NAV1: variants seen among roughly 807,000 people sequenced by gnomAD.
The protein encoded by NAV1 is pore membrane and/or filament interacting like protein 3.
In NAV1, 18 loss-of-function variants were observed where a neutral mutation model predicts 175.2. The ratio of observed to expected loss-of-function variants is 0.10; its 90% CI spans 0.07 to 0.15. The LOEUF (loss-of-function observed/expected upper bound fraction) is 0.15. Ranked by LOEUF, NAV1 falls within the 10% of genes least tolerant of loss-of-function variation. The pLI, the probability that NAV1 is intolerant of heterozygous loss-of-function variation, is 1.00. For synonymous variants in NAV1, 897 were observed against 978.7 expected (o/e 0.92, Z 1.56); for missense variants, 1,731 against 2,436.6 (o/e 0.71, Z 6.10).
intron 3 of NAV1, among the ~76,000 whole-genome samples, chr1:201,738,456 G>T (rs759163859): frequency 6.6e-6 from 1 of 152,112 alleles, no homozygotes; most frequent in Non-Finnish European, 1.5e-5. Flanking sequence ...CAGGTCAGTG[G>T]CATTGGGCAG....
intron 2 of NAV1, among the ~76,000 whole-genome samples, chr1:201,639,764 G>A (rs982778310): frequency 1.3e-5 from 2 of 152,286 alleles, no homozygotes; most frequent in African/African-American, 2.4e-5. Flanking sequence ...TCTGAAGGGA[G>A]AGCCTGTGCC....
intron 29 of NAV1, among the ~76,000 whole-genome samples, chr1:201,818,757 T>G (rs1351860261): frequency 6.6e-6 from 1 of 152,234 alleles, no homozygotes; most frequent in East Asian, 1.9e-4. Context: ...TTTGGCAGAT[T>G]ATATTAAAAC....
At chr1:201,688,618 A>C (rs1670776530) in intron 1 of NAV1, among the ~76,000 whole-genome samples, 1 of 152,200 alleles carries the variant, frequency 6.6e-6, no homozygotes, top group South Asian at 2.1e-4. Flanking sequence ...AGAGGCTCAG[A>C]TATCACACAG....
intron 1 of NAV1, among the ~76,000 whole-genome samples, chr1:201,570,883 C>T (rs1666521726): frequency 6.6e-6 from 1 of 152,374 alleles, no homozygotes; most frequent in South Asian, 2.1e-4. Flanking sequence ...CTACCATTAG[C>T]CCTGCAGCTG....
Position 201,714,240 on chromosome 1 carries a change from A to G in NAV1, c.860+1321A>G, listed in dbSNP as rs912327497. Among the ~76,000 whole-genome samples, 5 of 152,290 alleles carry G rather than the reference A, an allele frequency of 3.3e-5. No individual in the cohort carries two copies. In the South Asian group the frequency reaches 6.2e-4, roughly 19 times the overall value. ...CACTACCTTTCAGTCACCCCGGTGC[A>G]TTGTGGGATTGCAGCAACTCTGATG... On this transcript the variant is annotated intron_variant, in intron 2 of 29. Transcript: ENST00000367296.
chr1:201,812,666 T>C lies in NAV1; in HGVS notation c.5221+5T>C. The C allele has an allele frequency of 6.2e-7, 1 of 1,611,784 alleles. No individual in the cohort carries two copies. The highest frequency in any genetic ancestry group is 8.5e-7 in the Non-Finnish European group (1 of 1,178,924). ...GCACCTCAGACTTCCTCATCGGTAC[T>C]GGGGTCCAGCTTCCCCCGGGGGTCA... On this transcript the variant is annotated splice_donor_5th_base_variant and intron_variant, in intron 27 of 29. Transcript: ENST00000367296. This position sits in a 1 kb window ranked among gnomAD's most constrained non-coding sequence, Gnocchi z 4.6.
intron 17 of NAV1, 97 bp downstream of exon 21, chr1:201,804,594 AAAAAAAAAT>A: frequency 6.1e-6 from 7 of 1,154,820 alleles, no homozygotes; most frequent in Non-Finnish European, 6.1e-6. Context: ...AAAAAAAAAA[AAAAAAAAAT>A]GAATGACCAC....
intron 15 of NAV1, chr1:201,796,900 C>T (rs1267064624): frequency 1.3e-5 from 2 of 152,196 alleles, no homozygotes; most frequent in Non-Finnish European, 2.9e-5. Flanking sequence ...CCTTATCAGA[C>T]ACATGATTTG....
intron 2 of NAV1, among the ~76,000 whole-genome samples, chr1:201,595,959 T>A (rs1667336813): frequency 6.6e-6 from 1 of 152,236 alleles, no homozygotes; most frequent in Non-Finnish European, 1.5e-5. Context: ...GCATCACTCA[T>A]ACCAGAGATG....
chr1:201,700,315 C>A (rs900037206), intron 1 of NAV1, among the ~76,000 whole-genome samples: 5 of 152,112 alleles, frequency 3.3e-5, no homozygotes, highest in Admixed American at 1.3e-4. Flanking sequence ...CATTTATGCA[C>A]CCAACAGACA....
exon 1 of NAV1, chr1:201,648,818 C>T (rs769261726): frequency 3.2e-6 from 5 of 1,548,390 alleles, no homozygotes; most frequent in Non-Finnish European, 4.4e-6. Context: ...CCAAGGCGCC[C>T]GGCGGCGGCG....
chr1:201,743,835 C>G (rs1673588185), intron 3 of NAV1, among the ~76,000 whole-genome samples: 1 of 152,152 alleles, frequency 6.6e-6, no homozygotes, highest in South Asian at 2.1e-4. Context: ...TTTATACATT[C>G]CTGGTTCGGA....
intron 14 of NAV1, 34 bp downstream of exon 18, chr1:201,793,909 T>TGGTTTGGGGGGGGGGGGGGGGCCC: frequency 1.9e-6 from 1 of 516,476 alleles, no homozygotes; most frequent in Non-Finnish European, 3.9e-6. Context: ...GAGGGGTGGG[T>TGGTTTGGGGGGGGGGGGGGGGCCC]GCGGCGAGGG....
intron 1 of NAV1, among the ~76,000 whole-genome samples, chr1:201,658,194 G>A (rs192979987): frequency 2.1e-4 from 32 of 152,172 alleles, no homozygotes; most frequent in Admixed American, 4.6e-4. Flanking sequence ...AGTTAGTGTC[G>A]GCAGAGCACT....
chr1:201,696,833 C>T (rs934559703), intron 1 of NAV1, among the ~76,000 whole-genome samples: 1 of 152,180 alleles, frequency 6.6e-6, no homozygotes, highest in East Asian at 1.9e-4. Context: ...TCTATAAAAT[C>T]GGAGTACTCA....
chr1:201,765,115 G>T (rs1675116770), intron 3 of NAV1, among the ~76,000 whole-genome samples: 1 of 152,170 alleles, frequency 6.6e-6, no homozygotes, highest in Non-Finnish European at 1.5e-5. Flanking sequence ...ATTATATTAA[G>T]AATCATCAGA....
At chr1:201,634,553 G>T (rs988097369) in intron 2 of NAV1, among the ~76,000 whole-genome samples, 3 of 152,188 alleles carry the variant, frequency 2.0e-5, no homozygotes, top group Non-Finnish European at 4.4e-5. Flanking sequence ...GAAGAGGCCA[G>T]ATAAGTAAGG....
intron 3 of NAV1, among the ~76,000 whole-genome samples, chr1:201,779,502 G>C (rs1676169482): frequency 6.7e-6 from 1 of 148,916 alleles, no homozygotes; most frequent in Non-Finnish European, 1.5e-5. Flanking sequence ...AGAGGCTGAA[G>C]CAGGAGAATT....
At chr1:201,624,960 T>G (rs989271622) in intron 1 of NAV1, among the ~76,000 whole-genome samples, 3 of 152,198 alleles carry the variant, frequency 2.0e-5, no homozygotes, top group African/African-American at 7.2e-5. Flanking sequence ...AACTTGTGTA[T>G]CTTAATCTCT....
Sources: allele counts gnomAD v4.1 joint callset (sites outside exome capture counted in the v4.1 genomes callset), GRCh38; gene constraint gnomAD v4.1.1; non-coding constraint Gnocchi (gnomAD v3.1); transcripts MANE v1.5; gene names NCBI Gene and HGNC (gene_info 2026-07-23, HGNC 2026-07-21).